The following NPHP4 variants were observed in gnomAD, a reference collection of about 807,000 sequenced individuals.
The protein encoded by NPHP4 is nephrocystin-4.
In NPHP4, 151 loss-of-function variants were observed where a neutral mutation model predicts 155.8. That is an observed-to-expected ratio of 0.97 (90% CI 0.85 to 1.11). NPHP4 has a LOEUF of 1.11. Among genes scored for constraint, NPHP4 ranks in the 50% least tolerant of loss-of-function variants. NPHP4 has a pLI of 0.00. For missense variants in NPHP4, 1,956 were observed against 1,925.7 expected, an observed-to-expected ratio of 1.02 and a Z score of -0.29; for synonymous variants, 845 against 816.8, an observed-to-expected ratio of 1.03 and a Z score of -0.59.
intron 9 of NPHP4, among the ~76,000 whole-genome samples, chr1:5,946,127 G>A (rs1307729107): frequency 6.6e-6 from 1 of 152,198 alleles, no homozygotes; most frequent in Non-Finnish European, 1.5e-5. Context: ...AGTATGTACC[G>A]TGTAGGGGTC....
chr1:5,984,245 A>G (rs1023032259), intron 2 of NPHP4, among the ~76,000 whole-genome samples: 1 of 152,212 alleles, frequency 6.6e-6, no homozygotes, highest in African/African-American at 2.4e-5. Context: ...TTGAAAAGCA[A>G]GGTACAGTGC....
At chr1:5,935,941 G>A (rs1446412720) in intron 9 of NPHP4, among the ~76,000 whole-genome samples, 2 of 152,152 alleles carry the variant, frequency 1.3e-5, no homozygotes, top group Admixed American at 6.6e-5. Flanking sequence ...ATTCAACAAT[G>A]TCTAGACTAC....
intron 23 of NPHP4, among the ~76,000 whole-genome samples, chr1:5,870,556 G>T (rs1258524215): frequency 6.6e-6 from 1 of 152,128 alleles, no homozygotes; most frequent in Non-Finnish European, 1.5e-5. Context: ...GAAGAATAGG[G>T]TATTTGAACG....
chr1:5,947,145 G>A lies in NPHP4; in HGVS notation c.1078C>T (p.Leu360=), dbSNP rs772453181. The change falls in exon 9 of 30, where the codon CTG becomes TTG. Residue 360 remains leucine (L), a synonymous_variant. Transcript: ENST00000378156. ...GCAGGGCTGCTGAACACGTACTCCA[G>A]CTGGAAGATGACCGCAAATGCAGGG... ...GHPAFAVIFQ[L]EYVFSSPAGV... is the part of the protein sequence containing the mutation. The A allele has an allele frequency of 1.9e-6, 3 of 1,613,994 alleles. No homozygotes were observed. In the East Asian group the frequency reaches 6.7e-5, roughly 36 times the overall value.
intron 26 of NPHP4, chr1:5,865,916 C>T (rs2100425097): frequency 4.8e-6 from 1 of 208,786 alleles, no homozygotes; most frequent in Admixed American, 5.3e-5. Context: ...TCTCACAGGG[C>T]TTGGGGATCC....
intron 22 of NPHP4, among the ~76,000 whole-genome samples, chr1:5,874,040 C>G (rs920424137): frequency 1.3e-5 from 2 of 152,116 alleles, no homozygotes; most frequent in African/African-American, 4.8e-5. Flanking sequence ...CTGCTGCACG[C>G]ACGCTCCCTG....
At chr1:5,919,744 TG>T (rs1226967250) in intron 11 of NPHP4, among the ~76,000 whole-genome samples, 9 of 151,882 alleles carry the variant, frequency 5.9e-5, no homozygotes, top group Non-Finnish European at 1.0e-4. Context: ...GGGTTTTTTT[TG>T]TTTTTTTTTT....
intron 11 of NPHP4, among the ~76,000 whole-genome samples, chr1:5,917,091 C>T (rs1176204925): frequency 6.6e-6 from 1 of 152,198 alleles, no homozygotes; most frequent in Non-Finnish European, 1.5e-5. Flanking sequence ...CTGTCAACTT[C>T]ACCGACCCTG....
chr1:5,919,558 G>T (rs565215789), intron 11 of NPHP4, among the ~76,000 whole-genome samples: 1 of 152,184 alleles, frequency 6.6e-6, no homozygotes, highest in Non-Finnish European at 1.5e-5. Flanking sequence ...AATGGAGAGT[G>T]GGTAGGAGAA....
chr1:5,906,792 T>C (rs1298665897), intron 13 of NPHP4, among the ~76,000 whole-genome samples: 3 of 152,212 alleles, frequency 2.0e-5, no homozygotes, highest in Admixed American at 6.5e-5. Flanking sequence ...AGCCTGTCTA[T>C]AGATATAGCC....
At chr1:5,939,932 G>T (rs139328144) in intron 9 of NPHP4, among the ~76,000 whole-genome samples, 1 of 152,210 alleles carries the variant, frequency 6.6e-6, no homozygotes, top group Non-Finnish European at 1.5e-5. Context: ...GGCACAGAAG[G>T]AGGGAAGAGG....
intron 5 of NPHP4, among the ~76,000 whole-genome samples, chr1:5,966,466 G>A (rs1285569445): frequency 1.3e-5 from 2 of 151,974 alleles, no homozygotes; most frequent in African/African-American, 2.4e-5. Flanking sequence ...GGCTGGTTTC[G>A]AACTCCTGAG....
chr1:5,895,424 CGG>C (rs1002986604), intron 16 of NPHP4, among the ~76,000 whole-genome samples: 2 of 152,072 alleles, frequency 1.3e-5, no homozygotes, highest in African/African-American at 4.8e-5. Flanking sequence ...CACTTGAACC[CGG>C]GAGGTGGAGG....
At chr1:5,985,750 A>T (rs1655380563) in intron 2 of NPHP4, among the ~76,000 whole-genome samples, 1 of 152,240 alleles carries the variant, frequency 6.6e-6, no homozygotes, top group Non-Finnish European at 1.5e-5. Flanking sequence ...TAAGACTCAA[A>T]CGAGTAAGTG....
At chr1:5,979,353 G>C (rs974054788) in intron 2 of NPHP4, among the ~76,000 whole-genome samples, 1 of 152,080 alleles carries the variant, frequency 6.6e-6, no homozygotes, top group African/African-American at 2.4e-5. Context: ...GGGCAGGGCA[G>C]GGCAGGCTCT....
intron 7 of NPHP4, among the ~76,000 whole-genome samples, chr1:5,949,088 T>C (rs2101951486): frequency 1.3e-5 from 2 of 152,200 alleles, no homozygotes; most frequent in East Asian, 3.9e-4. Flanking sequence ...GGAACAAAAA[T>C]ACAAAGATAG....
Position 5,909,264 on chromosome 1 carries a change from G to A in NPHP4, c.1442-51C>T. 4 of 1,452,630 alleles carry A rather than the reference G, an allele frequency of 2.8e-6. 1 individual carries two copies. Among genetic ancestry groups the A allele is most frequent in the Middle Eastern group, 1.7e-4 (1 of 5,776 alleles). The allele number at this position is 1,452,630 out of a possible 1,614,324, so 90.0% of individuals were successfully genotyped here. ...AGAGGGAATGTGTCAGCCTGTGTTG[G>A]GGGCAGTGGGCCCCTGAACCCCCAC... On this transcript the variant is annotated intron_variant, in intron 11 of 29. Transcript: ENST00000378156.
intron 2 of NPHP4, among the ~76,000 whole-genome samples, 169 bp downstream of exon 2, chr1:5,985,986 T>C (rs765913006): frequency 7.2e-5 from 11 of 152,122 alleles, no homozygotes; most frequent in Non-Finnish European, 8.8e-5. Context: ...CTGTAATATA[T>C]TGAAAACAGC....
At chr1:5,961,714 G>T (rs1432496889) in intron 6 of NPHP4, 80 bp downstream of exon 6, 44 of 1,408,870 alleles carry the variant, frequency 3.1e-5, no homozygotes, top group Admixed American at 3.9e-5. Flanking sequence ...GCCCCCAGAA[G>T]AGCCCAGTGC....
Sources: allele counts gnomAD v4.1 joint callset (sites outside exome capture counted in the v4.1 genomes callset), GRCh38; gene constraint gnomAD v4.1.1; transcripts MANE v1.5; gene names NCBI Gene and HGNC (gene_info 2026-07-23, HGNC 2026-07-21).